The following PLCL2 variants were observed in gnomAD, a reference collection of about 807,000 sequenced individuals.
PLCL2 encodes phospholipase C like 2, also known as inactive phospholipase C-like protein 2.
PLCL2 carries 4 observed loss-of-function variants against 79.6 expected under a neutral mutation model. The ratio of observed to expected loss-of-function variants is 0.05; its 90% CI spans 0.02 to 0.11. The LOEUF is 0.11. Among genes scored for constraint, PLCL2 ranks in the 10% least tolerant of loss-of-function variants. The pLI, the probability that PLCL2 is intolerant of heterozygous loss-of-function variation, is 1.00. For missense variants in PLCL2, 895 were observed against 1,291.0 expected, an observed-to-expected ratio of 0.69 and a Z score of 4.70; for synonymous variants, 484 against 457.7, an observed-to-expected ratio of 1.06 and a Z score of -0.73.
At chr3:16,904,187 C>T (rs1696695862) in intron 1 of PLCL2, among the ~76,000 whole-genome samples, 1 of 152,036 alleles carries the variant, frequency 6.6e-6, no homozygotes, top group South Asian at 2.1e-4. Flanking sequence ...TTAGTTTTGT[C>T]AAGTCTGCTG....
chr3:17,016,638 A>C (rs1170895303), intron 3 of PLCL2, among the ~76,000 whole-genome samples: 1 of 152,228 alleles, frequency 6.6e-6, no homozygotes, highest in Non-Finnish European at 1.5e-5. Context: ...AAGCATGCTG[A>C]GATTCCTTTG....
At chr3:17,035,644 T>C (rs947761989) in intron 3 of PLCL2, 8 of 349,708 alleles carry the variant, frequency 2.3e-5, no homozygotes, top group African/African-American at 1.8e-4. Flanking sequence ...AATTTTACTT[T>C]GTTCATAACA....
chr3:17,030,719 ACT>A (rs1002655246), intron 3 of PLCL2, among the ~76,000 whole-genome samples: 2 of 152,176 alleles, frequency 1.3e-5, no homozygotes, highest in Non-Finnish European at 2.9e-5. Context: ...AACTGTGGAC[ACT>A]CTGCTGTGTT....
intron 1 of PLCL2, among the ~76,000 whole-genome samples, chr3:16,943,162 C>T (rs1490048500): frequency 6.6e-6 from 1 of 152,170 alleles, no homozygotes; most frequent in East Asian, 1.9e-4. Flanking sequence ...AAATGACAGT[C>T]TTGACAGATT....
chr3:17,049,982 G>C (rs2064822243), intron 4 of PLCL2, among the ~76,000 whole-genome samples: 2 of 152,108 alleles, frequency 1.3e-5, no homozygotes, highest in South Asian at 4.1e-4. Flanking sequence ...TATAAAAGCA[G>C]ACACATAGAC....
At chr3:17,040,780 G>C (rs1230885240) in intron 3 of PLCL2, among the ~76,000 whole-genome samples, 1 of 152,180 alleles carries the variant, frequency 6.6e-6, no homozygotes, top group Non-Finnish European at 1.5e-5. Flanking sequence ...AATCTTTGCT[G>C]TTTCTGCCGC....
At chr3:16,966,451 T>C (rs1050564208) in intron 1 of PLCL2, among the ~76,000 whole-genome samples, 15 of 152,280 alleles carry the variant, frequency 9.9e-5, no homozygotes, top group Admixed American at 9.2e-4. Context: ...TGCATCAATG[T>C]TCATCAAGGA....
chr3:16,996,973 C>A (rs959281818), intron 1 of PLCL2, among the ~76,000 whole-genome samples: 6 of 152,126 alleles, frequency 3.9e-5, no homozygotes, highest in African/African-American at 1.4e-4. Context: ...TCGAAAAATT[C>A]TTTTGAAGAT....
At chr3:16,889,278 T>G (rs1023528330) in intron 1 of PLCL2, among the ~76,000 whole-genome samples, 1 of 152,140 alleles carries the variant, frequency 6.6e-6, no homozygotes, top group Non-Finnish European at 1.5e-5. Context: ...CCCGCTTGGG[T>G]ATATGGCTGC....
At chr3:16,921,773 C>T (rs1697129521) in intron 1 of PLCL2, among the ~76,000 whole-genome samples, 1 of 152,076 alleles carries the variant, frequency 6.6e-6, no homozygotes, top group African/African-American at 2.4e-5. Context: ...TTATAACCAC[C>T]ACCTTTCTAT....
chr3:16,996,888 AC>A (rs2124999649), intron 1 of PLCL2, among the ~76,000 whole-genome samples: 1 of 152,270 alleles, frequency 6.6e-6, no homozygotes, highest in African/African-American at 2.4e-5. Flanking sequence ...TTAATTATTT[AC>A]CTATCTGTCC....
chr3:17,023,128 G>A (rs899533308), intron 3 of PLCL2, among the ~76,000 whole-genome samples: 2 of 152,130 alleles, frequency 1.3e-5, no homozygotes, highest in African/African-American at 4.8e-5. Context: ...TGGGTACATA[G>A]TGGGGGGATT....
intron 1 of PLCL2, among the ~76,000 whole-genome samples, chr3:16,918,253 G>T (rs1169916144): frequency 6.6e-6 from 1 of 152,152 alleles, no homozygotes; most frequent in Non-Finnish European, 1.5e-5. Context: ...CAAAAGGAGA[G>T]AGATGTTAAA....
In PLCL2 at chr3:16,888,477, C is replaced by G. The variant is rs140300696; in HGVS notation, c.327+3111C>G. On this transcript the variant is annotated intron_variant, in intron 1 of 5. Transcript: ENST00000615277. ...ACCAGACTTTTCTACTTTTCCTTAG[C>G]TTATTGAAAATAACGGTCGACTTTT... Among the ~76,000 whole-genome samples the G allele has an allele frequency of 7.7e-4, 118 of 152,274 alleles. No individual in the cohort carries two copies. The East Asian group carries it at 0.02, about 26-fold the overall frequency.
At chr3:17,072,699 C>T (rs897796220) in intron 5 of PLCL2, among the ~76,000 whole-genome samples, 1 of 150,608 alleles carries the variant, frequency 6.6e-6, no homozygotes, top group Non-Finnish European at 1.5e-5. Context: ...ACAATATGAG[C>T]ATTCTCTAAT....
intron 4 of PLCL2, among the ~76,000 whole-genome samples, chr3:17,050,186 A>G (rs1256956026): frequency 6.6e-6 from 1 of 152,170 alleles, no homozygotes; most frequent in Non-Finnish European, 1.5e-5. Flanking sequence ...TCAAATCAAA[A>G]TTTAAATCTG....
chr3:17,078,018 C>T (rs950766578), intron 5 of PLCL2, among the ~76,000 whole-genome samples: 2 of 152,162 alleles, frequency 1.3e-5, no homozygotes, highest in African/African-American at 4.8e-5. Context: ...CTGTTCTTTA[C>T]CATATCCTCT....
chr3:16,925,827 A>G (rs557804378), intron 1 of PLCL2, among the ~76,000 whole-genome samples: 1 of 152,334 alleles, frequency 6.6e-6, no homozygotes, highest in East Asian at 1.9e-4. Flanking sequence ...CTATGCTGCT[A>G]TGATCATTAG....
At chr3:17,063,365 C>G (rs906732292) in intron 4 of PLCL2, among the ~76,000 whole-genome samples, 2 of 138,724 alleles carry the variant, frequency 1.4e-5, no homozygotes, top group African/African-American at 2.8e-5. Context: ...TCTGATATAC[C>G]CCTCTAATAA....
Sources: allele counts gnomAD v4.1 joint callset (sites outside exome capture counted in the v4.1 genomes callset), GRCh38; gene constraint gnomAD v4.1.1; transcripts MANE v1.5; gene names NCBI Gene and HGNC (gene_info 2026-07-23, HGNC 2026-07-21).